PDZRN4: variants seen among roughly 807,000 people sequenced by gnomAD.
PDZRN4 encodes PDZ domain containing ring finger 4, also known as PDZ domain-containing RING finger protein 4.
Under a neutral mutation model 99.0 loss-of-function variants are expected in PDZRN4, and 70 were observed. That is an observed-to-expected ratio of 0.71 (90% CI 0.58 to 0.86). The LOEUF is 0.86. PDZRN4 is among the 40% of genes least tolerant of loss of function. The pLI is 0.00. For missense variants in PDZRN4, 1,474 were observed against 1,331.2 expected, an observed-to-expected ratio of 1.11 and a Z score of -1.67; for synonymous variants, 551 against 501.6, an observed-to-expected ratio of 1.10 and a Z score of -1.32.
intron 3 of PDZRN4, among the ~76,000 whole-genome samples, chr12:41,468,676 G>A (rs1012433183): frequency 3.3e-5 from 5 of 152,040 alleles, no homozygotes; most frequent in African/African-American, 1.2e-4. Flanking sequence ...TTAACTTTAT[G>A]GGTCTTTCTC....
intron 3 of PDZRN4, among the ~76,000 whole-genome samples, chr12:41,453,551 T>C (rs2733298): frequency 0.52 from 78,625 of 151,968 alleles, 20,901 homozygotes; most frequent in African/African-American, 0.65. Context: ...TGTAGCAACA[T>C]AGTTTCACCT....
intron 3 of PDZRN4, among the ~76,000 whole-genome samples, chr12:41,425,654 A>T (rs1203409968): frequency 6.6e-6 from 1 of 152,210 alleles, no homozygotes; most frequent in East Asian, 1.9e-4. Context: ...CCACATTCAC[A>T]CTTGAGTCAG....
At chr12:41,298,197 T>C (rs1951508435) in intron 3 of PDZRN4, among the ~76,000 whole-genome samples, 1 of 152,150 alleles carries the variant, frequency 6.6e-6, no homozygotes, top group African/African-American at 2.4e-5. Flanking sequence ...CTATTAACAG[T>C]TCTTAATATA....
intron 5 of PDZRN4, among the ~76,000 whole-genome samples, chr12:41,518,237 A>C (rs1231127089): frequency 6.6e-6 from 1 of 152,088 alleles, no homozygotes; most frequent in Non-Finnish European, 1.5e-5. Flanking sequence ...TAAATAATCC[A>C]GTTCAGTGTA....
chr12:41,418,749 C>G (rs1260749541), intron 3 of PDZRN4, among the ~76,000 whole-genome samples: 1 of 152,150 alleles, frequency 6.6e-6, no homozygotes, highest in Non-Finnish European at 1.5e-5. Flanking sequence ...AAGTGTTGAT[C>G]TATTGCCATT....
At chr12:41,229,556 T>G (rs1951015804) in intron 3 of PDZRN4, among the ~76,000 whole-genome samples, 1 of 152,118 alleles carries the variant, frequency 6.6e-6, no homozygotes. Flanking sequence ...CTTGTCTTAC[T>G]CCCTATCTGC....
At chr12:41,557,373 GTTGGATACAGACCC>G (rs1221732624) in intron 7 of PDZRN4, among the ~76,000 whole-genome samples, 2 of 152,030 alleles carry the variant, frequency 1.3e-5, no homozygotes, top group South Asian at 2.1e-4. Flanking sequence ...ATTTCTCCTT[GTTGGATACAGACCC>G]TTGGAGAGTG....
rs117035990 is a variant in PDZRN4 at position 41,532,954 on chromosome 12, G to T, written c.1204-19702G>T. On this transcript the variant is annotated intron_variant, in intron 5 of 9. Transcript: ENST00000402685. ...ATTTTTTGCATTTATTGGGGATAAT[G>T]GTCTATAACTATACATTAGATCAAC... Among the ~76,000 whole-genome samples, 276 of 152,038 alleles carry T rather than the reference G, an allele frequency of 1.8e-3. 3 individuals carry two copies. Among genetic ancestry groups the T allele is most frequent in the Non-Finnish European group, 3.5e-3 (236 of 67,960 alleles).
intron 3 of PDZRN4, among the ~76,000 whole-genome samples, chr12:41,228,694 T>G (rs554066262): frequency 6.6e-6 from 1 of 152,222 alleles, no homozygotes; most frequent in African/African-American, 2.4e-5. Flanking sequence ...TTGCCAAGTA[T>G]AAGCATGAGT....
chr12:41,379,683 C>T (rs973590879), intron 3 of PDZRN4, among the ~76,000 whole-genome samples: 11 of 151,334 alleles, frequency 7.3e-5, no homozygotes, highest in Non-Finnish European at 1.3e-4. Context: ...TATTGATTTC[C>T]TATTTCATAC....
intron 3 of PDZRN4, among the ~76,000 whole-genome samples, chr12:41,231,064 A>C (rs1355705510): frequency 2.0e-5 from 3 of 152,094 alleles, no homozygotes; most frequent in Non-Finnish European, 2.9e-5. Context: ...TGTGTTTTCA[A>C]AAAGAAATAT....
At chr12:41,263,454 A>C (rs1951256597) in intron 3 of PDZRN4, among the ~76,000 whole-genome samples, 1 of 152,184 alleles carries the variant, frequency 6.6e-6, no homozygotes, top group Admixed American at 6.5e-5. Context: ...TGGGTGGCCA[A>C]GGCGGGAGGA....
intron 3 of PDZRN4, among the ~76,000 whole-genome samples, chr12:41,435,688 T>C (rs1036668273): frequency 1.3e-5 from 2 of 152,014 alleles, no homozygotes; most frequent in Non-Finnish European, 2.9e-5. Flanking sequence ...CTCAGGAAGC[T>C]CAGGCAGAAG....
At chr12:41,214,082 G>A (rs1204452009) in intron 3 of PDZRN4, among the ~76,000 whole-genome samples, 30 of 151,778 alleles carry the variant, frequency 2.0e-4, no homozygotes, top group Admixed American at 3.9e-4. Flanking sequence ...GATCAGAGAC[G>A]TAGTGGGATA....
rs1182568627 is a variant in PDZRN4, at chr12:41,261,670, T to C, written c.843+67482T>C. Reference sequence around the variant, plus strand: ...TCGCCCAGCTAATATTTTGTATTTTTAGTAGAGACAGGGTTTCACCGTGTT... The same window carrying C: ...TCGCCCAGCTAATATTTTGTATTTTCAGTAGAGACAGGGTTTCACCGTGTT... On this transcript the variant is annotated intron_variant, in intron 3 of 9. Coordinates refer to ENST00000402685, the MANE Select transcript of PDZRN4 (RefSeq NM_001164595.2). Among the ~76,000 whole-genome samples, 5 of 152,138 alleles carry C rather than the reference T, an allele frequency of 3.3e-5. No homozygotes were observed. In the East Asian group the frequency reaches 9.6e-4, roughly 29 times the overall value.
At chr12:41,321,186 G>T (rs187510224) in intron 3 of PDZRN4, among the ~76,000 whole-genome samples, 49 of 152,166 alleles carry the variant, frequency 3.2e-4, no homozygotes, top group African/African-American at 1.2e-3. Context: ...TGTCACAAAA[G>T]CTGGATTATG....
chr12:41,241,634 A>G (rs1387234584), intron 3 of PDZRN4, among the ~76,000 whole-genome samples: 4 of 152,202 alleles, frequency 2.6e-5, no homozygotes, highest in African/African-American at 9.6e-5. Flanking sequence ...AAATATTGAA[A>G]CACTTAATAT....
At chr12:41,439,149 T>C (rs1952656048) in intron 3 of PDZRN4, among the ~76,000 whole-genome samples, 1 of 152,224 alleles carries the variant, frequency 6.6e-6, no homozygotes, top group African/African-American at 2.4e-5. Flanking sequence ...TCCAAAATGA[T>C]CTTCTGCATT....
chr12:41,495,387 G>A (rs888844779), intron 3 of PDZRN4, among the ~76,000 whole-genome samples: 3 of 152,150 alleles, frequency 2.0e-5, no homozygotes, highest in African/African-American at 7.2e-5. Flanking sequence ...GCACGGTGTG[G>A]ATTAATTGAT....
Sources: gnomAD v4.1 joint callset for allele counts (sites outside exome capture counted in the v4.1 genomes callset) on GRCh38, gnomAD v4.1.1 for gene constraint, MANE v1.5 for transcripts, NCBI Gene and HGNC (gene_info 2026-07-23, HGNC 2026-07-21) for gene names.